SLC30A6: variants seen among roughly 807,000 people sequenced by gnomAD.
SLC30A6 encodes zinc transporter 6.
In SLC30A6, 55 loss-of-function variants were observed where a neutral mutation model predicts 63.0. The ratio of observed to expected loss-of-function variants is 0.87; its 90% CI spans 0.70 to 1.09. The LOEUF (loss-of-function observed/expected upper bound fraction) is 1.09. Ranked by LOEUF, SLC30A6 falls within the 50% of genes least tolerant of loss-of-function variation. The probability of loss-of-function intolerance (pLI) is 0.00; values close to 1 mark genes in which losing one functional copy is unlikely to be tolerated. For missense variants in SLC30A6, 587 were observed against 549.2 expected (o/e 1.07, Z -0.69); for synonymous variants, 224 against 186.1 (o/e 1.20, Z -1.66).
At chr2:32,217,920 C>T (rs1685845126) in intron 13 of SLC30A6, among the ~76,000 whole-genome samples, 1 of 151,696 alleles carries the variant, frequency 6.6e-6, no homozygotes, top group South Asian at 2.1e-4. Flanking sequence ...ACTGCAGCCT[C>T]GACCTCTAAG....
intron 5 of SLC30A6, among the ~76,000 whole-genome samples, chr2:32,184,819 A>G (rs1369982909): frequency 6.6e-6 from 1 of 152,210 alleles, no homozygotes; most frequent in Non-Finnish European, 1.5e-5. Flanking sequence ...GGTATAAATC[A>G]TATTAAAATA....
chr2:32,212,213 T>C (rs1685311942), intron 13 of SLC30A6, among the ~76,000 whole-genome samples: 1 of 152,144 alleles, frequency 6.6e-6, no homozygotes, highest in Non-Finnish European at 1.5e-5. Context: ...AGTGATCTTT[T>C]TTTCTTGTAT....
In SLC30A6 at chr2:32,171,479, A is replaced by G. The variant is rs1001129176; in HGVS notation, c.90+106A>G. 10 of 773,396 alleles carry G rather than the reference A, an allele frequency of 1.3e-5. No homozygotes were observed. The African/African-American group carries it at 1.7e-4, about 14-fold the overall frequency. 47.9% of individuals were successfully genotyped at this position (773,396 alleles called of 1,614,324 possible). A position where few individuals can be genotyped will look rare whatever the true frequency, so the allele number is the denominator to read the frequency against. On this transcript the variant is annotated intron_variant, in intron 2 of 13. Coordinates refer to ENST00000282587, the MANE Select transcript of SLC30A6 (RefSeq NM_017964.5). The stretch of plus-strand genomic sequence containing the variant: ...TAGAAATCACTCCTGATCCTGCCAC[A>G]CTGTTTTCATTTTTCTATGTTGGAA...
chr2:32,208,145 T>C (rs1174945155), intron 12 of SLC30A6, among the ~76,000 whole-genome samples: 2 of 151,330 alleles, frequency 1.3e-5, no homozygotes, highest in Non-Finnish European at 2.9e-5. Flanking sequence ...TTTTTGTTTT[T>C]TTTGAGACTG....
chr2:32,204,171 T>C (rs531346833), intron 10 of SLC30A6, among the ~76,000 whole-genome samples: 2 of 152,324 alleles, frequency 1.3e-5, no homozygotes, highest in East Asian at 3.9e-4. Context: ...CAGATCTACT[T>C]ACCAGTTATA....
At chr2:32,172,090 C>A (rs1681276629) in intron 2 of SLC30A6, among the ~76,000 whole-genome samples, 1 of 152,126 alleles carries the variant, frequency 6.6e-6, no homozygotes, top group Non-Finnish European at 1.5e-5. Flanking sequence ...CCAATGTAAA[C>A]CTTCTAGTTA....
In SLC30A6 at chr2:32,185,141, G is replaced by T. The variant is rs545350091; in HGVS notation, c.284+803G>T. Among the ~76,000 whole-genome samples the T allele has an allele frequency of 3.3e-5, 5 of 152,276 alleles. No homozygotes were observed. The East Asian group carries it at 9.7e-4, about 29-fold the overall frequency. ...CCTAGCACTTTGGTAGGTTGAGGCA[G>T]GAGGATTGCTTGAGTTAGAAGCCAG... On this transcript the variant is annotated intron_variant, in intron 5 of 13. Transcript: ENST00000282587.
At chr2:32,215,248 G>A (rs1573429524) in intron 13 of SLC30A6, among the ~76,000 whole-genome samples, 1 of 152,166 alleles carries the variant, frequency 6.6e-6, no homozygotes, top group Admixed American at 6.5e-5. Context: ...AGCCTGGAGT[G>A]TAGCGACATG....
chr2:32,183,260 T>C (rs1573288994), intron 4 of SLC30A6, among the ~76,000 whole-genome samples: 2 of 152,054 alleles, frequency 1.3e-5, no homozygotes. Context: ...TAACTGAGAA[T>C]TGAGGAATTG....
At chr2:32,183,318 A>G (rs1412503738) in intron 4 of SLC30A6, among the ~76,000 whole-genome samples, 4 of 152,170 alleles carry the variant, frequency 2.6e-5, no homozygotes, top group Admixed American at 2.0e-4. Context: ...GGAGCCTTTC[A>G]TATTTCCATT....
At chr2:32,214,848 GGCATCT>G (rs1685565755) in intron 13 of SLC30A6, among the ~76,000 whole-genome samples, 2 of 152,168 alleles carry the variant, frequency 1.3e-5, no homozygotes, top group Non-Finnish European at 2.9e-5. Flanking sequence ...AAGAGGATAT[GGCATCT>G]TTAATACTTA....
chr2:32,192,684 T>C (rs1433378862), intron 6 of SLC30A6, among the ~76,000 whole-genome samples: 1 of 152,148 alleles, frequency 6.6e-6, no homozygotes, highest in East Asian at 1.9e-4. Flanking sequence ...TACAAACCCA[T>C]TGAAATAGGC....
intron 10 of SLC30A6, chr2:32,202,389 G>A: frequency 3.6e-6 from 1 of 275,582 alleles, no homozygotes; most frequent in Non-Finnish European, 6.9e-6. Context: ...TGTCGCCCAG[G>A]CTGGATCTCG....
intron 4 of SLC30A6, among the ~76,000 whole-genome samples, chr2:32,178,913 A>C (rs1317301229): frequency 6.6e-6 from 1 of 152,172 alleles, no homozygotes; most frequent in Non-Finnish European, 1.5e-5. Context: ...GCTGGAGTGC[A>C]GTGGGTTGAC....
chr2:32,204,013 A>G (rs1427949160), intron 10 of SLC30A6: 1 of 683,504 alleles, frequency 1.5e-6, no homozygotes, highest in Non-Finnish European at 2.6e-6. Flanking sequence ...TTTGATAGTT[A>G]ATCTACCAGT....
chr2:32,220,238 G>A lies in SLC30A6; in HGVS notation c.911G>A (p.Arg304Gln), dbSNP rs532101359. ...SLAGSVHVRIRRDANEQMVLA... is the reference protein window; with the variant it reads ...SLAGSVHVRIQRDANEQMVLA... The stretch of plus-strand genomic sequence containing the variant: ...GCTGGATCAGTGCATGTAAGAATTC[G>A]ACGAGATGCCAATGAACAAATGGTT... Residue 304 changes from arginine to glutamine, a missense_variant, in exon 14 of 14, where the codon CGA becomes CAA. Transcript: ENST00000282587. 9.3e-6 allele frequency: 15 copies of A among 1,613,826 alleles called. No homozygotes were observed. Among genetic ancestry groups the A allele is most frequent in the South Asian group, 3.3e-5 (3 of 91,066 alleles).
intron 5 of SLC30A6, among the ~76,000 whole-genome samples, chr2:32,190,239 A>G (rs756961644): frequency 6.6e-6 from 1 of 152,066 alleles, no homozygotes; most frequent in Non-Finnish European, 1.5e-5. Flanking sequence ...TGGGCAGATC[A>G]TTTGAGGTCA....
At chr2:32,173,321 A>G (rs1463758526) in intron 2 of SLC30A6, among the ~76,000 whole-genome samples, 1 of 150,750 alleles carries the variant, frequency 6.6e-6, no homozygotes, top group East Asian at 1.9e-4. Context: ...CAAAATGAAG[A>G]TTTTTCCTTA....
At position 32,209,709 on chromosome 2, in the gene SLC30A6, T is replaced by C. The variant is rs1383981675; in HGVS notation, c.885+148T>C. Reference sequence around the variant, plus strand: ...AGTCTAAAATGTACATGAATTCAATTACCTAATTGAGGGATTTTTTGGTGT... The same window carrying C: ...AGTCTAAAATGTACATGAATTCAATCACCTAATTGAGGGATTTTTTGGTGT... On this transcript the variant is annotated intron_variant, in intron 13 of 13. Coordinates refer to ENST00000282587, the MANE Select transcript of SLC30A6 (RefSeq NM_017964.5). The C allele has an allele frequency of 1.0e-5, 7 of 671,398 alleles. No individual in the cohort carries two copies. In the East Asian group the frequency reaches 1.5e-4, roughly 14 times the overall value. 41.6% of individuals were successfully genotyped at this position (671,398 alleles called of 1,614,324 possible).
Sources: allele counts gnomAD v4.1 joint callset (sites outside exome capture counted in the v4.1 genomes callset), GRCh38; gene constraint gnomAD v4.1.1; transcripts MANE v1.5; gene names NCBI Gene and HGNC (gene_info 2026-07-23, HGNC 2026-07-21).